Variants in ZFPM1 observed in about 807,000 individuals in gnomAD.
ZFPM1 encodes the protein zinc finger protein, FOG family member 1.
Under a neutral mutation model 46.3 loss-of-function variants are expected in ZFPM1, and 28 were observed. The observed-to-expected ratio is 0.60, with a 90% CI of 0.45 to 0.83. The LOEUF (loss-of-function observed/expected upper bound fraction) is 0.83. Ranked by LOEUF, ZFPM1 falls within the 40% of genes least tolerant of loss-of-function variation. The pLI, the probability that ZFPM1 is intolerant of heterozygous loss-of-function variation, is 0.00. For synonymous variants in ZFPM1, 957 were observed against 675.9 expected, an observed-to-expected ratio of 1.42 and a Z score of -6.45; for missense variants, 1,878 against 1,432.4, an observed-to-expected ratio of 1.31 and a Z score of -5.02.
Position 88,453,659 on chromosome 16 carries a change from C to G in ZFPM1, c.21C>G (p.Ser7Arg). The G allele has an allele frequency of 8.4e-7, 1 of 1,194,834 alleles. No homozygotes were observed. The highest frequency in any genetic ancestry group is 1.6e-5 in the African/African-American group (1 of 62,022). The allele number at this position is 1,194,834 out of a possible 1,614,324, so 74.0% of individuals were successfully genotyped here. ...GAGACATGTCCAGGCGGAAACAGAG[C>G]AACCCCCGGCAGATCAAGCGTGAGT... MSRRKQSNPRQIKRSLG... is the reference protein window; with the variant it reads MSRRKQRNPRQIKRSLG... The change falls in exon 1 of 10, where the codon AGC becomes AGG. Residue 7 changes from serine to arginine, a missense_variant. Ser to Arg is a moderately radical substitution (Grantham distance 110). Coordinates refer to ENST00000319555, the MANE Select transcript of ZFPM1 (RefSeq NM_153813.3).
At chr16:88,523,815 C>G (rs868544954) in intron 4 of ZFPM1, among the ~76,000 whole-genome samples, 1 of 152,196 alleles carries the variant, frequency 6.6e-6, no homozygotes, top group Non-Finnish European at 1.5e-5. Flanking sequence ...GGGCGGGTGC[C>G]GGATGGGAGC....
At chr16:88,466,856 C>CA (rs958912537) in intron 1 of ZFPM1, among the ~76,000 whole-genome samples, 28 of 152,262 alleles carry the variant, frequency 1.8e-4, no homozygotes, top group African/African-American at 6.5e-4. Flanking sequence ...TCACTTGTAT[C>CA]ATGGGCATGA....
At position 88,525,226 on chromosome 16, in the gene ZFPM1, T is replaced by C. The variant is rs147039285; in HGVS notation, c.403-1588T>C. Among the ~76,000 whole-genome samples, 62 of 152,326 alleles carry C rather than the reference T, an allele frequency of 4.1e-4. No individual in the cohort carries two copies. The East Asian group carries it at 0.011, about 28-fold the overall frequency. On this transcript the variant is annotated intron_variant, in intron 4 of 9. Transcript: ENST00000319555. ...AGGCCGAGCCTGGCTGGGACCCCACTGCCCACCTCTGCGGCCCACAGGGTC... is the reference window on the plus strand; with the variant it reads ...AGGCCGAGCCTGGCTGGGACCCCACCGCCCACCTCTGCGGCCCACAGGGTC...
intron 3 of ZFPM1, among the ~76,000 whole-genome samples, chr16:88,505,164 T>C (rs117345530): frequency 5.3e-5 from 8 of 152,074 alleles, no homozygotes; most frequent in African/African-American, 1.7e-4. Flanking sequence ...CCTTCCTGCC[T>C]CTCCCTCGCC....
intron 4 of ZFPM1, among the ~76,000 whole-genome samples, chr16:88,517,283 T>C (rs1911388488): frequency 7.9e-6 from 1 of 126,044 alleles, no homozygotes; most frequent in African/African-American, 3.0e-5. Context: ...GTTGGAGGGC[T>C]GGGTGGATGA....
At position 88,457,263 on chromosome 16, in the gene ZFPM1, G is replaced by A. The variant is rs560581029; in HGVS notation, c.40+3585G>A. 6.6e-5 allele frequency among the ~76,000 whole-genome samples: 10 copies of A among 152,378 alleles called. 1 individual carries two copies. Among genetic ancestry groups the A allele is most frequent in the South Asian group, 6.2e-4 (3 of 4,828 alleles). ...AGCCATCCACACTGGCCTTCCATGCGTGGGAGGCACCCGGGTGTTGAGGCT... is the reference window on the plus strand; with the variant it reads ...AGCCATCCACACTGGCCTTCCATGCATGGGAGGCACCCGGGTGTTGAGGCT... On this transcript the variant is annotated intron_variant, in intron 1 of 9. Coordinates refer to ENST00000319555, the MANE Select transcript of ZFPM1 (RefSeq NM_153813.3).
At position 88,453,588 on chromosome 16, in the gene ZFPM1, G is replaced by A. The variant is rs1197273278; in HGVS notation, c.-51G>A. On this transcript the variant is annotated 5_prime_UTR_variant, in exon 1 of 10. Transcript: ENST00000319555. ...CGCCGCGCCCCCGCCGCCCGCCGCC[G>A]CCCGCCCGGGGCTAGAGGCGGCCGC... is the stretch of plus-strand genomic sequence containing the variant. The A allele has an allele frequency of 2.0e-6, 2 of 980,970 alleles. No homozygotes were observed. The highest frequency in any genetic ancestry group is 1.2e-6 in the Non-Finnish European group (1 of 824,568). The allele number at this position is 980,970 out of a possible 1,614,324, so 60.8% of individuals were successfully genotyped here. A position where few individuals can be genotyped will look rare whatever the true frequency, so the allele number is the denominator to read the frequency against.
At chr16:88,460,335 G>A (rs1907761755) in intron 1 of ZFPM1, among the ~76,000 whole-genome samples, 1 of 152,180 alleles carries the variant, frequency 6.6e-6, no homozygotes, top group Admixed American at 6.5e-5. Flanking sequence ...AGGAGGAGTG[G>A]GGTTCTTCAC....
Position 88,453,522 on chromosome 16 carries a change from GCGGAGAC to G in ZFPM1, c.-113_-107del, listed in dbSNP as rs1907381472. ...GCTGGGGGCGCGGGCCGGGGCGGCC[GCGGAGAC>G]CGGGGGCCGGGGGCATGAGCGGCCC... is the stretch of plus-strand genomic sequence containing the variant. On this transcript the variant is annotated 5_prime_UTR_variant, in exon 1 of 10. Transcript: ENST00000319555. 6 of 420,702 alleles carry G rather than the reference GCGGAGAC, an allele frequency of 1.4e-5. No homozygotes were observed. The highest frequency in any genetic ancestry group is 1.6e-5 in the Non-Finnish European group (5 of 317,310). The allele number at this position is 420,702 out of a possible 1,614,324, so 26.1% of individuals were successfully genotyped here.
chr16:88,474,183 C>G (rs1190013120), intron 1 of ZFPM1, among the ~76,000 whole-genome samples: 5 of 152,234 alleles, frequency 3.3e-5, no homozygotes, highest in Non-Finnish European at 7.3e-5. Context: ...CCGGCTCTTT[C>G]TTCCCTCCTC....
chr16:88,453,565 C>A lies in ZFPM1; in HGVS notation c.-74C>A, dbSNP rs1389987145. 1 of 853,676 alleles carries A rather than the reference C, an allele frequency of 1.2e-6. No individual in the cohort carries two copies. The highest frequency in any genetic ancestry group is 1.2e-4 in the East Asian group (1 of 8,042). 52.9% of individuals were successfully genotyped at this position (853,676 alleles called of 1,614,324 possible). On this transcript the variant is annotated 5_prime_UTR_variant, in exon 1 of 10. Coordinates refer to ENST00000319555, the MANE Select transcript of ZFPM1 (RefSeq NM_153813.3). ...GGGCATGAGCGGCCCCGCGGCCCCGCCGCGCCCCCGCCGCCCGCCGCCGCC... is the reference window on the plus strand; with the variant it reads ...GGGCATGAGCGGCCCCGCGGCCCCGACGCGCCCCCGCCGCCCGCCGCCGCC...
intron 3 of ZFPM1, among the ~76,000 whole-genome samples, chr16:88,508,062 TGAG>T (rs1910755984): frequency 6.6e-6 from 1 of 152,110 alleles, no homozygotes; most frequent in African/African-American, 2.4e-5. Context: ...TTGGGGAGGC[TGAG>T]GTGGGCAGAT....
intron 1 of ZFPM1, among the ~76,000 whole-genome samples, chr16:88,475,026 G>C (rs988941435): frequency 3.3e-5 from 5 of 152,268 alleles, no homozygotes; most frequent in African/African-American, 1.2e-4. Context: ...TGCAGGGACA[G>C]GTCTGGCTGC....
rs190711407 is a variant in ZFPM1 at position 88,503,083 on chromosome 16, G to A, written c.269-11304G>A. Among the ~76,000 whole-genome samples the A allele has an allele frequency of 1.6e-3, 245 of 152,364 alleles. 1 individual carries two copies. Among genetic ancestry groups the A allele is most frequent in the African/African-American group, 5.5e-3 (227 of 41,590 alleles). ...GGCAGGGTGGGTGGATGAGCACGGCGCCCCTGGGACAGGAACCCCCACTGT... is the reference window on the plus strand; with the variant it reads ...GGCAGGGTGGGTGGATGAGCACGGCACCCCTGGGACAGGAACCCCCACTGT... On this transcript the variant is annotated intron_variant, in intron 3 of 9. Coordinates refer to ENST00000319555, the MANE Select transcript of ZFPM1 (RefSeq NM_153813.3).
rs1466567358 is a variant in ZFPM1, at chr16:88,533,238, G to C, written c.1280G>C (p.Gly427Ala). ...GGCCTGGCGCCCACCCCATCGCCAG[G>C]ACTGGACAGAAAGGCCCTGGCCGAG... ...DLGLAPTPSP[G>A]LDRKALAEAT... The change falls in exon 10 of 10, where the codon GGA (glycine) becomes GCA (alanine). Residue 427 changes from glycine to alanine, a missense_variant. Gly to Ala is a moderately conservative substitution (Grantham distance 60). Transcript: ENST00000319555. 1.9e-6 allele frequency: 3 copies of C among 1,562,892 alleles called. No homozygotes were observed. The highest frequency in any genetic ancestry group is 1.3e-5 in the African/African-American group (1 of 74,220).
In ZFPM1 at chr16:88,533,432, C is replaced by T; in HGVS notation, c.1474C>T (p.Pro492Ser). 2 of 1,459,582 alleles carry T rather than the reference C, an allele frequency of 1.4e-6. No homozygotes were observed. Among genetic ancestry groups the T allele is most frequent in the Non-Finnish European group, 1.8e-6 (2 of 1,115,432 alleles). The allele number at this position is 1,459,582 out of a possible 1,614,324, so 90.4% of individuals were successfully genotyped here. ...GPQAPSRTPS[P>S]RSPAPARVKA... ...CCAGGCCCCGTCGCGGACGCCGTCG[C>T]CGCGCAGCCCCGCCCCGGCCAGGGT... Residue 492 changes from proline to serine, a missense_variant, in exon 10 of 10, where the codon CCG becomes TCG. Coordinates refer to ENST00000319555, the MANE Select transcript of ZFPM1 (RefSeq NM_153813.3).
At position 88,469,487 on chromosome 16, in the gene ZFPM1, A is replaced by C. The variant is rs549613251; in HGVS notation, c.40+15809A>C. Among the ~76,000 whole-genome samples, 3 of 152,272 alleles carry C rather than the reference A, an allele frequency of 2.0e-5. No homozygotes were observed. In the East Asian group the frequency reaches 5.8e-4, roughly 29 times the overall value. On this transcript the variant is annotated intron_variant, in intron 1 of 9. Transcript: ENST00000319555. The surrounding 1 kb of genome is among the most constrained non-coding windows in gnomAD (Gnocchi z 4.3). Reference sequence around the variant, plus strand: ...TGTCTGTGGCTGTGGCATAGCCTGGAAACCTGGGGTCTTCCAGATTTCCCA... The same window carrying C: ...TGTCTGTGGCTGTGGCATAGCCTGGCAACCTGGGGTCTTCCAGATTTCCCA...
At chr16:88,462,266 G>C (rs535959117) in intron 1 of ZFPM1, among the ~76,000 whole-genome samples, 9 of 152,210 alleles carry the variant, frequency 5.9e-5, no homozygotes, top group Admixed American at 2.0e-4. Context: ...GCTTCCGAGA[G>C]CTCAGGCCCT....
In ZFPM1 at chr16:88,497,441, G is replaced by A. The variant is rs1248888903; in HGVS notation, c.268+8288G>A. 6.9e-6 allele frequency among the ~76,000 whole-genome samples: 1 copy of A among 144,284 alleles called. No homozygotes were observed. Among genetic ancestry groups the A allele is most frequent in the Non-Finnish European group, 1.5e-5 (1 of 65,458 alleles). The allele number at this position is 144,284 out of a possible 152,430, so 94.7% of individuals were successfully genotyped here. ...TCAGGGTGGGGCTCAGGGCCTGGGCGGGGATGGGGTTCAGAGGGGTCAGGG... is the reference window on the plus strand; with the variant it reads ...TCAGGGTGGGGCTCAGGGCCTGGGCAGGGATGGGGTTCAGAGGGGTCAGGG... On this transcript the variant is annotated intron_variant, in intron 3 of 9. Transcript: ENST00000319555. This position sits in a 1 kb window ranked among gnomAD's most constrained non-coding sequence, Gnocchi z 5.4.
Sources: allele counts gnomAD v4.1 joint callset (sites outside exome capture counted in the v4.1 genomes callset), GRCh38; gene constraint gnomAD v4.1.1; non-coding constraint Gnocchi (gnomAD v3.1); transcripts MANE v1.5; gene names NCBI Gene and HGNC (gene_info 2026-07-23, HGNC 2026-07-21).